The following PAPLN variants were observed in gnomAD, a reference collection of about 807,000 sequenced individuals.
PAPLN encodes papilin, proteoglycan like sulfated glycoprotein.
In PAPLN, 146 loss-of-function variants were observed where a neutral mutation model predicts 159.0. The observed-to-expected ratio is 0.92, with a 90% CI of 0.80 to 1.05. The LOEUF is 1.05. Among genes scored for constraint, PAPLN ranks in the 50% least tolerant of loss-of-function variants. The probability of loss-of-function intolerance (pLI) is 0.00; values close to 1 mark genes in which losing one functional copy is unlikely to be tolerated. For synonymous variants in PAPLN, 734 were observed against 702.9 expected (o/e 1.04, Z -0.70); for missense variants, 1,720 against 1,743.9 (o/e 0.99, Z 0.24).
At chr14:73,248,022 GTGTGTGTT>G (rs1884753515) in intron 5 of PAPLN, among the ~76,000 whole-genome samples, 1 of 94,618 alleles carries the variant, frequency 1.1e-5, no homozygotes, top group Non-Finnish European at 2.1e-5. Flanking sequence ...GTGTGTGTGT[GTGTGTGTT>G]GGGATTGTGG....
intron 11 of PAPLN, chr14:73,253,074 G>A: frequency 7.5e-7 from 1 of 1,325,268 alleles, no homozygotes; most frequent in Non-Finnish European, 1.0e-6. Flanking sequence ...CCAGCAGAGG[G>A]TTTGGCTTGG....
At chr14:73,255,105 C>A in intron 14 of PAPLN, 87 bp downstream of exon 14, 1 of 1,496,906 alleles carries the variant, frequency 6.7e-7, no homozygotes, top group Non-Finnish European at 9.0e-7. Context: ...GCCTCGGGGC[C>A]TCTGCCTGCA....
In PAPLN at chr14:73,264,629, T is replaced by C. The variant is rs1887025956; in HGVS notation, c.3028T>C (p.Phe1010Leu). 2 of 1,603,092 alleles carry C rather than the reference T, an allele frequency of 1.2e-6. No homozygotes were observed. The highest frequency in any genetic ancestry group is 1.1e-5 in the South Asian group (1 of 89,432). The part of the protein sequence containing the change: ...AVLSEAELSR[F>L]PQPRDPAQDF... Reference sequence around the variant, plus strand: ...GCTGTCTGAGGCTGAGCTGAGCCGCTTCCCTCAGCCCAGGGACCCAGCTCA... The same window carrying C: ...GCTGTCTGAGGCTGAGCTGAGCCGCCTCCCTCAGCCCAGGGACCCAGCTCA... The change falls in exon 22 of 27, where the codon TTC becomes CTC. Residue 1010 changes from phenylalanine (F) to leucine (L), a missense_variant. Physicochemically the swap from Phe to Leu is conservative, Grantham distance 22 (BLOSUM62 0). Transcript: ENST00000644200.
chr14:73,253,338 AC>A (rs1247006530), intron 11 of PAPLN: 1 of 1,003,046 alleles, frequency 1.0e-6, no homozygotes, highest in Admixed American at 2.3e-5. Context: ...GCATGGGGCC[AC>A]AGGGCTGCTC....
Position 73,260,795 on chromosome 14 carries a change from G to T in PAPLN, c.2072G>T (p.Gly691Val). The change falls in exon 17 of 27, where the codon GGG becomes GTG. Residue 691 changes from glycine (G) to valine (V), a missense_variant. Transcript: ENST00000644200. ...AAGTCGTATGGTGGTGACAGCACCGGGGGCATGCCCAGGTCAAGGGCAGTG... is the reference window on the plus strand; with the variant it reads ...AAGTCGTATGGTGGTGACAGCACCGTGGGCATGCCCAGGTCAAGGGCAGTG... ...CTKSYGGDSTGGMPRSRAVAS... is the reference protein window; with the variant it reads ...CTKSYGGDSTVGMPRSRAVAS... 6.7e-7 allele frequency: 1 copy of T among 1,494,144 alleles called. No individual in the cohort carries two copies. The allele number at this position is 1,494,144 out of a possible 1,614,324, so 92.6% of individuals were successfully genotyped here. A position where few individuals can be genotyped will look rare whatever the true frequency, so the allele number is the denominator to read the frequency against.
intron 14 of PAPLN, 137 bp downstream of exon 14, chr14:73,255,155 C>A: frequency 1.6e-6 from 2 of 1,255,896 alleles, no homozygotes; most frequent in Non-Finnish European, 2.2e-6. Flanking sequence ...CCATGTCTCC[C>A]CCCGCTGAAC....
Position 73,245,587 on chromosome 14 carries a change from C to T in PAPLN, c.171-49C>T. 6.5e-7 allele frequency: 1 copy of T among 1,537,994 alleles called. No homozygotes were observed. On this transcript the variant is annotated intron_variant, in intron 3 of 26. Transcript: ENST00000644200. The surrounding 1 kb of genome is among the most constrained non-coding windows in gnomAD (Gnocchi z 4.2). ...CCTGCAGAGAGCCCCAGAACGGGGG[C>T]AGGGACGTTGGGTCTCGGTCAGGTC... is the stretch of plus-strand genomic sequence containing the variant.
chr14:73,251,981 C>T (rs1160808038), intron 9 of PAPLN, 37 bp from the exon 10 acceptor site: 2 of 1,582,144 alleles, frequency 1.3e-6, no homozygotes, highest in Non-Finnish European at 1.7e-6. Flanking sequence ...GGAGTGCTCC[C>T]CAGCAGCAGA....
At chr14:73,236,997 G>GTGAGGGAGGAAAGTAGAAAGAAAGA (rs1372086267), upstream of PAPLN, among the ~76,000 whole-genome samples, 6 of 151,962 alleles carry the variant, frequency 3.9e-5, no homozygotes, top group Admixed American at 6.6e-5. Context: ...AAAGAAGAAA[G>GTGAGGGAGGAAAGTAGAAAGAAAGA]GAAGGAAAGT....
intron 6 of PAPLN, 102 bp from the exon 7 acceptor site, chr14:73,250,805 C>T: frequency 7.2e-7 from 1 of 1,390,500 alleles, no homozygotes; most frequent in Non-Finnish European, 9.4e-7. Context: ...ACCACCCTAT[C>T]CTGCCTGGGC....
chr14:73,254,406 T>C (rs1566687933), intron 12 of PAPLN, 107 bp from the exon 13 acceptor site: 2 of 1,381,174 alleles, frequency 1.4e-6, no homozygotes, highest in East Asian at 4.6e-5. Flanking sequence ...ACATGGGCAG[T>C]TGGGTGCTAT....
intron 11 of PAPLN, 69 bp downstream of exon 11, chr14:73,252,844 C>T: frequency 1.9e-5 from 31 of 1,595,774 alleles, no homozygotes; most frequent in Non-Finnish European, 2.6e-5. Context: ...AACAAGGCCT[C>T]CAAGCTGCTT....
In PAPLN at chr14:73,246,129, A is replaced by AGCGGAGTTCCAGGG. The variant is rs1199346491; in HGVS notation, c.293_306dup (p.Arg103SerfsTer21). 6.3e-7 allele frequency: 1 copy of AGCGGAGTTCCAGGG among 1,591,674 alleles called. No homozygotes were observed. The highest frequency in any genetic ancestry group is 8.5e-7 in the Non-Finnish European group (1 of 1,171,522). On this transcript the variant is annotated frameshift_variant, in exon 5 of 27. Coordinates refer to ENST00000644200, the MANE Select transcript of PAPLN (RefSeq NM_001365906.3). LOFTEE classifies it high-confidence loss of function. ...CCGAGCAGTGCGCGGAGTTCGACGG[A>AGCGGAGTTCCAGGG]GCGGAGTTCCAGGGGCGGCGGTATC...
chr14:73,238,642 G>T (rs1284153928), intron 1 of PAPLN, among the ~76,000 whole-genome samples: 1 of 152,216 alleles, frequency 6.6e-6, no homozygotes, highest in Non-Finnish European at 1.5e-5. Context: ...CCCCAGCAGA[G>T]CAGAGGCAGG....
chr14:73,245,968 G>A lies in PAPLN; in HGVS notation c.232-105G>A, dbSNP rs1884222060. ...ACTCCACCTCCGGCGGCTCCGATGG[G>A]GCAGGCAAGGGAGACTCCTGGGCTC... On this transcript the variant is annotated intron_variant, in intron 4 of 26. Coordinates refer to ENST00000644200, the MANE Select transcript of PAPLN (RefSeq NM_001365906.3). The surrounding 1 kb of genome is among the most constrained non-coding windows in gnomAD (Gnocchi z 4.2). 2.5e-6 allele frequency: 3 copies of A among 1,190,226 alleles called. No homozygotes were observed. The highest frequency in any genetic ancestry group is 3.2e-5 in the African/African-American group (2 of 63,470). 73.7% of individuals were successfully genotyped at this position (1,190,226 alleles called of 1,614,324 possible). A position where few individuals can be genotyped will look rare whatever the true frequency, so the allele number is the denominator to read the frequency against.
Position 73,250,060 on chromosome 14 carries a change from T to C in PAPLN, c.411T>C (p.Asp137=), listed in dbSNP as rs367683700. 5.6e-6 allele frequency: 9 copies of C among 1,613,010 alleles called. No homozygotes were observed. Among genetic ancestry groups the C allele is most frequent in the Non-Finnish European group, 6.8e-6 (8 of 1,179,618 alleles). The change falls in exon 6 of 27, where the codon GAT becomes GAC. Residue 137 remains aspartate, a synonymous_variant. Transcript: ENST00000644200. The part of the protein sequence containing the change: ...FYYKHREAVV[D]GTPCEPGKRD... ...ACAAGCACAGGGAGGCTGTGGTTGA[T>C]GGGACGCCCTGCGAGCCTGGCAAGA...
Position 73,253,738 on chromosome 14 carries a change from T to A in PAPLN, c.1095-16T>A, listed in dbSNP as rs1371333300. 2 of 1,581,004 alleles carry A rather than the reference T, an allele frequency of 1.3e-6. No homozygotes were observed. Among genetic ancestry groups the A allele is most frequent in the Non-Finnish European group, 1.7e-6 (2 of 1,159,250 alleles). On this transcript the variant is annotated splice_polypyrimidine_tract_variant and intron_variant, in intron 11 of 26. Coordinates refer to ENST00000644200, the MANE Select transcript of PAPLN (RefSeq NM_001365906.3). Reference sequence around the variant, plus strand: ...ATGCTCCTGGGCCAGCCTTACCTGATTCCCCCTCCTGCCAGCTGGAAGGCA... The same window carrying A: ...ATGCTCCTGGGCCAGCCTTACCTGAATCCCCCTCCTGCCAGCTGGAAGGCA...
intron 14 of PAPLN, among the ~76,000 whole-genome samples, chr14:73,258,617 C>CAAAAAAAAAAAAAAA (rs1886185756): frequency 3.2e-5 from 1 of 30,870 alleles, no homozygotes; most frequent in Non-Finnish European, 5.7e-5. Flanking sequence ...GACCCTATCT[C>CAAAAAAAAAAAAAAA]TAAAAAAAAA....
Position 73,259,023 on chromosome 14 carries a change from T to C in PAPLN, c.1672T>C (p.Trp558Arg), listed in dbSNP as rs1359728698. Residue 558 changes from tryptophan (W) to arginine (R), a missense_variant, in exon 15 of 27, where the codon TGG (tryptophan) becomes CGG (arginine). By Grantham distance (101) the Trp-to-Arg change is moderately radical. Coordinates refer to ENST00000644200, the MANE Select transcript of PAPLN (RefSeq NM_001365906.3). ...QDVHTPASNP[W>R]MPLGPQESPA... The stretch of plus-strand genomic sequence containing the variant: ...TGTGCACACCCCTGCCAGCAACCCC[T>C]GGATGCCGTTGGGCCCTCAGGAGTC... 10 of 1,612,714 alleles carry C rather than the reference T, an allele frequency of 6.2e-6. No homozygotes were observed. In the South Asian group the frequency reaches 1.1e-4, roughly 18 times the overall value.
Sources: gnomAD v4.1 joint callset for allele counts (sites outside exome capture counted in the v4.1 genomes callset) on GRCh38, gnomAD v4.1.1 for gene constraint, Gnocchi (gnomAD v3.1) non-coding constraint, MANE v1.5 for transcripts, NCBI Gene and HGNC (gene_info 2026-07-23, HGNC 2026-07-21) for gene names.